Variants in GALNS observed in about 807,000 individuals in gnomAD.
GALNS encodes N-acetylgalactosamine-6-sulfatase.
In GALNS, 65 loss-of-function variants were observed where a neutral mutation model predicts 65.9. That is an observed-to-expected ratio of 0.99 (90% CI 0.81 to 1.21). GALNS has a LOEUF of 1.21. GALNS is among the 50% of genes most tolerant of loss of function. The pLI, the probability that GALNS is intolerant of heterozygous loss-of-function variation, is 0.00. For synonymous variants in GALNS, 346 were observed against 288.9 expected (o/e 1.20, Z -2.00); for missense variants, 776 against 700.7 (o/e 1.11, Z -1.21).
chr16:88,853,601 T>G (rs1597601026), intron 1 of GALNS, among the ~76,000 whole-genome samples: 1 of 152,220 alleles, frequency 6.6e-6, no homozygotes, highest in Admixed American at 6.5e-5. Flanking sequence ...CACAGAGTGC[T>G]GCTCGCCCTG....
intron 1 of GALNS, 161 bp downstream of exon 1, chr16:88,856,597 C>T (rs1298371164): frequency 9.0e-6 from 5 of 552,908 alleles, no homozygotes; most frequent in Admixed American, 2.3e-5. Context: ...CGTCCCCTCC[C>T]CCTCCTCCTC....
At chr16:88,822,795 T>C (rs560592708) in intron 11 of GALNS, 85 bp from the exon 12 acceptor site, 2 of 1,549,238 alleles carry the variant, frequency 1.3e-6, no homozygotes, top group African/African-American at 2.7e-5. Flanking sequence ...CTGGAGCCCC[T>C]GACTGCGGCC....
At chr16:88,834,776 G>A (rs926432459) in intron 8 of GALNS, among the ~76,000 whole-genome samples, 3 of 152,160 alleles carry the variant, frequency 2.0e-5, no homozygotes, top group African/African-American at 7.2e-5. Context: ...GGGGGCAGGA[G>A]TCCATCTTCA....
chr16:88,841,079 TCCTGCGG>T lies in GALNS; in HGVS notation c.328_334del (p.Pro110ArgfsTer17), dbSNP rs1460947160. ...CGAGTCTGGGATGCCGCCCACAATCTCCTGCGGTGTGTAGGCTGGAAGAGCAGCGCTG... is the reference window on the plus strand; with the variant it reads ...CGAGTCTGGGATGCCGCCCACAATCTTGTGTAGGCTGGAAGAGCAGCGCTG... On this transcript the variant is annotated frameshift_variant, in exon 4 of 14. Coordinates refer to ENST00000268695, the MANE Select transcript of GALNS (RefSeq NM_000512.5). LOFTEE classifies it high-confidence loss of function. 6.2e-7 allele frequency: 1 copy of T among 1,612,778 alleles called. No individual in the cohort carries two copies. Among genetic ancestry groups the T allele is most frequent in the Non-Finnish European group, 8.5e-7 (1 of 1,179,922 alleles).
At chr16:88,846,509 CTTTTTTTTT>C (rs59223444) in intron 1 of GALNS, among the ~76,000 whole-genome samples, 1 of 88,696 alleles carries the variant, frequency 1.1e-5, no homozygotes, top group African/African-American at 4.4e-5. Context: ...GCGTTTCTGG[CTTTTTTTTT>C]TTTTTTTTTT....
At chr16:88,823,430 G>A (rs533729991) in intron 11 of GALNS, among the ~76,000 whole-genome samples, 2 of 152,282 alleles carry the variant, frequency 1.3e-5, no homozygotes, top group African/African-American at 2.4e-5. Context: ...CCCAGAGCGG[G>A]TGCTGCAGGC....
chr16:88,820,919 C>A (rs1016348741), intron 12 of GALNS, among the ~76,000 whole-genome samples: 1 of 152,136 alleles, frequency 6.6e-6, no homozygotes, highest in South Asian at 2.1e-4. Flanking sequence ...TCCCCGTGGT[C>A]CCCCTGGGAC....
Position 88,814,337 on chromosome 16 carries a change from C to G in GALNS, c.*102G>C, listed in dbSNP as rs2142966055. 2.0e-6 allele frequency: 3 copies of G among 1,470,508 alleles called. No individual in the cohort carries two copies. The highest frequency in any genetic ancestry group is 2.8e-5 in the African/African-American group (2 of 71,518). The allele number at this position is 1,470,508 out of a possible 1,614,324, so 91.1% of individuals were successfully genotyped here. A position where few individuals can be genotyped will look rare whatever the true frequency, so the allele number is the denominator to read the frequency against. On this transcript the variant is annotated 3_prime_UTR_variant, in exon 14 of 14. Coordinates refer to ENST00000268695, the MANE Select transcript of GALNS (RefSeq NM_000512.5). ...GCGTCTGCAGGTGCTGTCTGTCTGG[C>G]TTGGGCAGGGTTGGGGGAGGACCGA...
chr16:88,856,867 A>T lies in GALNS; in HGVS notation c.11T>A (p.Val4Asp). 1 of 1,506,422 alleles carries T rather than the reference A, an allele frequency of 6.6e-7. No individual in the cohort carries two copies. Among genetic ancestry groups the T allele is most frequent in the Middle Eastern group, 2.3e-4 (1 of 4,436 alleles). The allele number at this position is 1,506,422 out of a possible 1,614,324, so 93.3% of individuals were successfully genotyped here. The change falls in exon 1 of 14, where the codon GTT becomes GAT. Residue 4 changes from valine (V) to aspartate (D), a missense_variant. Coordinates refer to ENST00000268695, the MANE Select transcript of GALNS (RefSeq NM_000512.5). MAA[V>D]VAATRWWQLL... ...CTGCCACCACCTCGTCGCCGCGACAACCGCCGCCATGGCAACCACGGGAGC... is the reference window on the plus strand; with the variant it reads ...CTGCCACCACCTCGTCGCCGCGACATCCGCCGCCATGGCAACCACGGGAGC...
rs759983524 is a variant in GALNS at position 88,814,402 on chromosome 16, C to T, written c.*37G>A. 18 of 1,550,234 alleles carry T rather than the reference C, an allele frequency of 1.2e-5. No individual in the cohort carries two copies. The highest frequency in any genetic ancestry group is 2.4e-5 in the East Asian group (1 of 41,106). Reference sequence around the variant, plus strand: ...TTCCTCCAGGCACTTGCAGGGCCAACCGGAGATTCTAGGCCTGGCCTGAGT... The same window carrying T: ...TTCCTCCAGGCACTTGCAGGGCCAATCGGAGATTCTAGGCCTGGCCTGAGT... On this transcript the variant is annotated 3_prime_UTR_variant, in exon 14 of 14. Coordinates refer to ENST00000268695, the MANE Select transcript of GALNS (RefSeq NM_000512.5).
chr16:88,856,639 G>T, intron 1 of GALNS, 119 bp downstream of exon 1: 1 of 370,244 alleles, frequency 2.7e-6, no homozygotes, highest in Non-Finnish European at 5.2e-6. Flanking sequence ...TCCCCAAGGG[G>T]CCTCCCCTCA....
chr16:88,856,173 C>A, intron 1 of GALNS: 1 of 702,976 alleles, frequency 1.4e-6, no homozygotes, highest in Non-Finnish European at 2.6e-6. Flanking sequence ...GACATTCCAG[C>A]CTTTCAGTTC....
At chr16:88,842,857 A>T in intron 1 of GALNS, 28 bp from the exon 2 acceptor site, 1 of 1,611,154 alleles carries the variant, frequency 6.2e-7, no homozygotes. Flanking sequence ...GGGAGGAGGA[A>T]TGAGCGCCTT....
rs747587253 is a variant in GALNS, at chr16:88,856,785, G to T, written c.93C>A (p.Pro31=). The T allele has an allele frequency of 1.3e-6, 2 of 1,539,098 alleles. No homozygotes were observed. Among genetic ancestry groups the T allele is most frequent in the East Asian group, 5.0e-5 (2 of 39,930 alleles). Residue 31 remains proline (P), a synonymous_variant, in exon 1 of 14, where the codon CCC becomes CCA. Coordinates refer to ENST00000268695, the MANE Select transcript of GALNS (RefSeq NM_000512.5). ...GMGASGAPQP[P]NILLLLMDDM... ...CGTCCATGAGCAGGAGCAGGATGTT[G>T]GGGGGCTGCGGGGCGCCCGAGGCCC...
At position 88,837,182 on chromosome 16, in the gene GALNS, C is replaced by T. The variant is rs561190015; in HGVS notation, c.566+440G>A. Among the ~76,000 whole-genome samples, 3 of 152,328 alleles carry T rather than the reference C, an allele frequency of 2.0e-5. No homozygotes were observed. In the East Asian group the frequency reaches 5.8e-4, roughly 29 times the overall value. ...AGGTGCTGCCCCCACGCCCGGGCAC[C>T]AGGACGGCTCTGTCTGGACAGCGGC... On this transcript the variant is annotated intron_variant, in intron 5 of 13. Coordinates refer to ENST00000268695, the MANE Select transcript of GALNS (RefSeq NM_000512.5).
At chr16:88,823,429 G>A (rs1474325850) in intron 11 of GALNS, among the ~76,000 whole-genome samples, 2 of 152,264 alleles carry the variant, frequency 1.3e-5, no homozygotes, top group African/African-American at 2.4e-5. Context: ...TCCCAGAGCG[G>A]GTGCTGCAGG....
chr16:88,853,595 G>A (rs1292749962), intron 1 of GALNS, among the ~76,000 whole-genome samples: 1 of 152,202 alleles, frequency 6.6e-6, no homozygotes, highest in East Asian at 1.9e-4. Flanking sequence ...TGGAGACACA[G>A]AGTGCTGCTC....
chr16:88,825,435 A>G (rs1300302011), intron 10 of GALNS, among the ~76,000 whole-genome samples: 182 of 38,122 alleles, frequency 4.8e-3, no homozygotes, highest in African/African-American at 5.4e-3. Flanking sequence ...CTGGGTGTCT[A>G]GGGCTGGAGT....
At chr16:88,837,928 C>T in intron 4 of GALNS, 163 bp from the exon 5 acceptor site, 1 of 696,140 alleles carries the variant, frequency 1.4e-6, no homozygotes, top group Non-Finnish European at 2.5e-6. Flanking sequence ...AGACCAAGGC[C>T]TCACCCGAGG....
Sources: gnomAD v4.1 joint callset for allele counts (sites outside exome capture counted in the v4.1 genomes callset) on GRCh38, gnomAD v4.1.1 for gene constraint, MANE v1.5 for transcripts, NCBI Gene and HGNC (gene_info 2026-07-23, HGNC 2026-07-21) for gene names.